The following NFATC1 variants were observed in gnomAD, a reference collection of about 807,000 sequenced individuals.
NFATC1 encodes nuclear factor of activated T cells 1.
Under a neutral mutation model 76.0 loss-of-function variants are expected in NFATC1, and 22 were observed. The ratio of observed to expected loss-of-function variants is 0.29; its 90% CI spans 0.21 to 0.41. The LOEUF (loss-of-function observed/expected upper bound fraction) is 0.41, where lower values mean the gene tolerates loss of function less well. Ranked by LOEUF, NFATC1 falls within the 10% of genes least tolerant of loss-of-function variation. The pLI is 1.00. For missense variants in NFATC1, 1,357 were observed against 1,337.7 expected, an observed-to-expected ratio of 1.01 and a Z score of -0.23; for synonymous variants, 704 against 613.1, an observed-to-expected ratio of 1.15 and a Z score of -2.19.
intron 1 of NFATC1, among the ~76,000 whole-genome samples, chr18:79,398,040 G>C (rs2085064488): frequency 6.6e-6 from 1 of 152,156 alleles, no homozygotes; most frequent in South Asian, 2.1e-4. Context: ...AGACCACCGG[G>C]AAGAACTCTG....
Position 79,446,914 on chromosome 18 carries a change from ACCCCAAACG to A in NFATC1, c.1387-1863_1387-1855del, listed in dbSNP as rs908804655. Among the ~76,000 whole-genome samples the A allele has an allele frequency of 3.3e-5, 5 of 151,808 alleles. No homozygotes were observed. In the East Asian group the frequency reaches 9.7e-4, roughly 29 times the overall value. On this transcript the variant is annotated intron_variant, in intron 3 of 9. Coordinates refer to ENST00000427363, the MANE Select transcript of NFATC1 (RefSeq NM_001278669.2). Reference sequence around the variant, plus strand: ...TTCAGCCTCTGGCTTTGTGTTTCAGACCCCAAACGCCCCTTCGATGTCTCAGCTGGGACC... The same window carrying A: ...TTCAGCCTCTGGCTTTGTGTTTCAGACCCCTTCGATGTCTCAGCTGGGACC...
At chr18:79,414,199 G>A (rs1330387945) in intron 2 of NFATC1, among the ~76,000 whole-genome samples, 1 of 152,288 alleles carries the variant, frequency 6.6e-6, no homozygotes, top group East Asian at 1.9e-4. Context: ...ATGCCTCTCC[G>A]TCGGTCACAT....
intron 1 of NFATC1, chr18:79,400,415 G>A (rs1196222085): frequency 6.7e-7 from 1 of 1,495,032 alleles, no homozygotes; most frequent in South Asian, 1.3e-5. Context: ...AGGACCAGGA[G>A]TTCGACTTCG....
chr18:79,474,805 C>T (rs1363621310), intron 8 of NFATC1, among the ~76,000 whole-genome samples: 4 of 147,968 alleles, frequency 2.7e-5, no homozygotes, highest in South Asian at 2.1e-4. Context: ...TTCACACTGT[C>T]GACGTAAACC....
At chr18:79,451,363 C>T (rs889013362) in intron 5 of NFATC1, among the ~76,000 whole-genome samples, 5 of 152,374 alleles carry the variant, frequency 3.3e-5, no homozygotes, top group East Asian at 1.9e-4. Flanking sequence ...CCAGGGAAAG[C>T]GGTGTGGGCC....
At chr18:79,454,937 G>T (rs992205426) in intron 6 of NFATC1, among the ~76,000 whole-genome samples, 1 of 151,226 alleles carries the variant, frequency 6.6e-6, no homozygotes, top group Non-Finnish European at 1.5e-5. Context: ...TCTGTGTTCC[G>T]ATGTGAGGCA....
At chr18:79,523,433 T>C (rs1396550201) in intron 9 of NFATC1, among the ~76,000 whole-genome samples, 2 of 152,246 alleles carry the variant, frequency 1.3e-5, no homozygotes, top group Admixed American at 1.3e-4. Context: ...TTCAAAATGA[T>C]GATCAAAAAG....
At chr18:79,461,774 G>C (rs1403983276) in intron 7 of NFATC1, among the ~76,000 whole-genome samples, 2 of 152,174 alleles carry the variant, frequency 1.3e-5, no homozygotes, top group African/African-American at 4.8e-5. Flanking sequence ...TGAGTTCCCG[G>C]GGGGTGGTCA....
At chr18:79,497,514 CA>C (rs1244918704) in intron 9 of NFATC1, 1 of 152,216 alleles carries the variant, frequency 6.6e-6, no homozygotes, top group Non-Finnish European at 1.5e-5. Context: ...TTCCGAGGCA[CA>C]ATCACCGTTG....
intron 9 of NFATC1, among the ~76,000 whole-genome samples, chr18:79,491,599 C>A (rs912900845): frequency 6.6e-6 from 1 of 152,188 alleles, no homozygotes; most frequent in Non-Finnish European, 1.5e-5. Flanking sequence ...TGTGGCAGGA[C>A]GTGGGTATGG....
chr18:79,513,243 G>A (rs972402246), intron 9 of NFATC1, among the ~76,000 whole-genome samples: 3 of 152,228 alleles, frequency 2.0e-5, no homozygotes, highest in East Asian at 1.9e-4. Flanking sequence ...CAGAGACGCC[G>A]TCCCCGGCCC....
At chr18:79,438,404 C>T (rs2086856155) in intron 3 of NFATC1, among the ~76,000 whole-genome samples, 1 of 152,206 alleles carries the variant, frequency 6.6e-6, no homozygotes, top group African/African-American at 2.4e-5. Flanking sequence ...TCCATGGCAC[C>T]CACCATCCCA....
intron 9 of NFATC1, among the ~76,000 whole-genome samples, chr18:79,519,618 T>C (rs1182695442): frequency 6.6e-6 from 1 of 152,196 alleles, no homozygotes; most frequent in Non-Finnish European, 1.5e-5. Context: ...GGATTACAGG[T>C]GTGAGCCACC....
intron 3 of NFATC1, among the ~76,000 whole-genome samples, chr18:79,439,262 G>A (rs1032109895): frequency 6.6e-6 from 1 of 152,172 alleles, no homozygotes; most frequent in Non-Finnish European, 1.5e-5. Context: ...GACGTCGCTG[G>A]GACACATTGT....
intron 3 of NFATC1, among the ~76,000 whole-genome samples, chr18:79,436,520 C>CCGTCCTCCCGCACCCGGCGTCCG (rs1234497362): frequency 1.3e-5 from 2 of 151,196 alleles, no homozygotes; most frequent in Non-Finnish European, 3.0e-5. Flanking sequence ...CCCGGTATCC[C>CCGTCCTCCCGCACCCGGCGTCCG]CGTCCTCCCG....
chr18:79,418,611 C>T (rs1250350030), intron 2 of NFATC1, among the ~76,000 whole-genome samples: 1 of 152,254 alleles, frequency 6.6e-6, no homozygotes, highest in Non-Finnish European at 1.5e-5. Context: ...CTGGAGAAGG[C>T]ACTGCGTCTG....
intron 1 of NFATC1, among the ~76,000 whole-genome samples, chr18:79,405,762 G>T (rs1372145881): frequency 6.6e-6 from 1 of 152,172 alleles, no homozygotes; most frequent in Non-Finnish European, 1.5e-5. Flanking sequence ...AGCCCTTTTT[G>T]TTTTTTAATA....
chr18:79,410,234 C>T lies in NFATC1; in HGVS notation c.128-169C>T. 1 of 1,132,574 alleles carries T rather than the reference C, an allele frequency of 8.8e-7. No homozygotes were observed. The highest frequency in any genetic ancestry group is 2.4e-5 in the East Asian group (1 of 42,266). The allele number at this position is 1,132,574 out of a possible 1,614,324, so 70.2% of individuals were successfully genotyped here. A position where few individuals can be genotyped will look rare whatever the true frequency, so the allele number is the denominator to read the frequency against. On this transcript the variant is annotated intron_variant, in intron 1 of 9. Transcript: ENST00000427363. The surrounding 1 kb of genome is among the most constrained non-coding windows in gnomAD (Gnocchi z 6.7). ...CCAGGTGGGACTGGGGCTGTCACTC[C>T]AAGTCGCCCGGAGCTGTCCGGCAGC...
At chr18:79,447,390 A>G (rs1285076866) in intron 3 of NFATC1, among the ~76,000 whole-genome samples, 1 of 152,198 alleles carries the variant, frequency 6.6e-6, no homozygotes, top group Non-Finnish European at 1.5e-5. Flanking sequence ...TGCCTGCAGG[A>G]GCCCAGGCCT....
Sources: gnomAD v4.1 joint callset for allele counts (sites outside exome capture counted in the v4.1 genomes callset) on GRCh38, gnomAD v4.1.1 for gene constraint, Gnocchi (gnomAD v3.1) non-coding constraint, MANE v1.5 for transcripts, NCBI Gene and HGNC (gene_info 2026-07-23, HGNC 2026-07-21) for gene names.